Variants in DDX47 observed in about 807,000 individuals in gnomAD.
The protein encoded by DDX47 is DEAD-box helicase 47.
DDX47 carries 60 observed loss-of-function variants against 58.8 expected under a neutral mutation model. That is an observed-to-expected ratio of 1.02 (90% confidence interval 0.83 to 1.26). The LOEUF (loss-of-function observed/expected upper bound fraction) is 1.26. DDX47 is among the 50% of genes most tolerant of loss of function. The pLI is 0.00. For synonymous variants in DDX47, 197 were observed against 204.6 expected (o/e 0.96, Z 0.32); for missense variants, 530 against 573.2 (o/e 0.92, Z 0.77).
chr12:12,824,286 C>G lies in DDX47; in HGVS notation c.898-254C>G, dbSNP rs1592324126. 3 of 563,282 alleles carry G rather than the reference C, an allele frequency of 5.3e-6. No homozygotes were observed. In the East Asian group the frequency reaches 9.3e-5, roughly 17 times the overall value. 34.9% of individuals were successfully genotyped at this position (563,282 alleles called of 1,614,324 possible). A position where few individuals can be genotyped will look rare whatever the true frequency, so the allele number is the denominator to read the frequency against. On this transcript the variant is annotated intron_variant, in intron 8 of 11. Coordinates refer to ENST00000358007, the MANE Select transcript of DDX47 (RefSeq NM_016355.4). ...CCCTAGTGGTAATAATGACTCTGGC[C>G]TCTAAAAACATTAATAAATTATTTC...
intron 2 of DDX47, among the ~76,000 whole-genome samples, chr12:12,818,943 G>A (rs1200762282): frequency 6.6e-6 from 1 of 152,160 alleles, no homozygotes; most frequent in Non-Finnish European, 1.5e-5. Context: ...CACAACATGT[G>A]GAAATTATGG....
intron 2 of DDX47, chr12:12,814,500 A>G (rs1437116437): frequency 2.7e-6 from 1 of 364,440 alleles, no homozygotes; most frequent in Non-Finnish European, 5.2e-6. Flanking sequence ...GGTAGACTTT[A>G]TGCATCAGTG....
chr12:12,824,145 G>A, intron 8 of DDX47, 129 bp downstream of exon 8: 2 of 1,177,996 alleles, frequency 1.7e-6, no homozygotes, highest in South Asian at 1.5e-5. Flanking sequence ...AATTTTATGG[G>A]CTTTGAAGTG....
intron 2 of DDX47, among the ~76,000 whole-genome samples, chr12:12,818,836 TA>T (rs1368677914): frequency 6.6e-6 from 1 of 152,200 alleles, no homozygotes; most frequent in Non-Finnish European, 1.5e-5. Context: ...AAACCCCTGA[TA>T]AAACCATCAG....
At chr12:12,819,798 A>G (rs1352447671) in intron 2 of DDX47, among the ~76,000 whole-genome samples, 1 of 152,130 alleles carries the variant, frequency 6.6e-6, no homozygotes, top group African/African-American at 2.4e-5. Flanking sequence ...AAAATGTGTG[A>G]GTCACCCACA....
At chr12:12,821,448 G>C (rs369992547) in intron 3 of DDX47, 52 bp downstream of exon 3, 1 of 1,593,712 alleles carries the variant, frequency 6.3e-7, no homozygotes, top group African/African-American at 1.3e-5. Context: ...AGTGAAGAAT[G>C]AGTGTGGAGG....
chr12:12,821,411 G>C lies in DDX47; in HGVS notation c.370+15G>C. 1 of 1,614,032 alleles carries C rather than the reference G, an allele frequency of 6.2e-7. No individual in the cohort carries two copies. The highest frequency in any genetic ancestry group is 8.5e-7 in the Non-Finnish European group (1 of 1,179,898). ...AGTGCAGAGTGGTAAGTGTCTGAGA[G>C]GGAAGGGATCCTAGGTTGCCATCAC... On this transcript the variant is annotated intron_variant, in intron 3 of 11. Transcript: ENST00000358007.
intron 6 of DDX47, among the ~76,000 whole-genome samples, 181 bp from the exon 7 acceptor site, chr12:12,823,022 T>C (rs891469833): frequency 1.3e-5 from 2 of 152,188 alleles, no homozygotes; most frequent in African/African-American, 4.8e-5. Flanking sequence ...GAACTCACTA[T>C]CATGAGAACC....
intron 11 of DDX47, among the ~76,000 whole-genome samples, chr12:12,828,063 C>G (rs1038670260): frequency 6.6e-6 from 1 of 151,736 alleles, no homozygotes; most frequent in African/African-American, 2.4e-5. Flanking sequence ...TGGGGTTTCT[C>G]CATTTTGGTC....
intron 7 of DDX47, 81 bp downstream of exon 7, chr12:12,823,400 G>A: frequency 2.3e-6 from 2 of 878,802 alleles, no homozygotes; most frequent in Non-Finnish European, 3.8e-6. Context: ...CTCTTGATTA[G>A]GTAAGAGCTG....
chr12:12,813,618 T>C, intron 1 of DDX47, 164 bp downstream of exon 1: 1 of 688,568 alleles, frequency 1.5e-6, no homozygotes, highest in Non-Finnish European at 2.4e-6. Flanking sequence ...TGCTCTGAGT[T>C]TGGGTGGTGG....
intron 9 of DDX47, 125 bp downstream of exon 9, chr12:12,824,802 A>G (rs556188211): frequency 1.9e-6 from 2 of 1,041,106 alleles, no homozygotes; most frequent in African/African-American, 1.6e-5. Flanking sequence ...AAAACAAGAA[A>G]GCCCTTGGTT....
chr12:12,821,326 G>C lies in DDX47; in HGVS notation c.300G>C (p.Pro100=), dbSNP rs760971551. The C allele has an allele frequency of 1.2e-6, 2 of 1,614,156 alleles. No individual in the cohort carries two copies. The highest frequency in any genetic ancestry group is 2.2e-5 in the South Asian group (2 of 91,076). The part of the protein sequence containing the change: ...PQRLFALVLT[P]TRELAFQISE... ...GTTTGTTTGCCCTAGTTCTTACCCC[G>C]ACTCGGGAGCTGGCCTTTCAGATCT... The change falls in exon 3 of 12, where the codon CCG becomes CCC. Residue 100 remains proline, a synonymous_variant. Coordinates refer to ENST00000358007, the MANE Select transcript of DDX47 (RefSeq NM_016355.4).
intron 11 of DDX47, among the ~76,000 whole-genome samples, chr12:12,827,876 C>CTTTTTTTT (rs58725534): frequency 1.5e-5 from 2 of 132,778 alleles, no homozygotes; most frequent in African/African-American, 5.5e-5. Flanking sequence ...TTTCTTTTTT[C>CTTTTTTTT]TTTTTTTTTT....
chr12:12,819,365 A>T (rs59843658), intron 2 of DDX47, among the ~76,000 whole-genome samples: 14,235 of 141,688 alleles, frequency 0.1, 826 homozygotes, highest in East Asian at 0.23. Flanking sequence ...TTTTTTTTTT[A>T]AATAGAGATT....
chr12:12,820,407 C>G (rs1862951752), intron 2 of DDX47: 2 of 152,216 alleles, frequency 1.3e-5, no homozygotes, highest in African/African-American at 4.8e-5. Context: ...AGGAAAACAT[C>G]AAAACTCTAG....
chr12:12,819,617 A>G (rs1207657473), intron 2 of DDX47, among the ~76,000 whole-genome samples: 1 of 152,156 alleles, frequency 6.6e-6, no homozygotes, highest in Non-Finnish European at 1.5e-5. Flanking sequence ...TTTTAGACAT[A>G]TCTCTAAACA....
chr12:12,813,975 C>T (rs1195183994), intron 1 of DDX47, among the ~76,000 whole-genome samples, 156 bp from the exon 2 acceptor site: 1 of 152,224 alleles, frequency 6.6e-6, no homozygotes, highest in East Asian at 1.9e-4. Context: ...GAGCTACTGT[C>T]TCATGGTATA....
intron 7 of DDX47, 175 bp from the exon 8 acceptor site, chr12:12,823,695 G>A (rs1256702457): frequency 1.6e-6 from 1 of 640,536 alleles, no homozygotes; most frequent in African/African-American, 1.8e-5. Flanking sequence ...GGCTAAGTGG[G>A]GAATATGTGG....
Sources: gnomAD v4.1 joint callset for allele counts (sites outside exome capture counted in the v4.1 genomes callset) on GRCh38, gnomAD v4.1.1 for gene constraint, MANE v1.5 for transcripts, NCBI Gene and HGNC (gene_info 2026-07-23, HGNC 2026-07-21) for gene names.